Variants in NAALADL2 observed in about 807,000 individuals in gnomAD.
NAALADL2 encodes N-acetylated alpha-linked acidic dipeptidase like 2.
NAALADL2 carries 76 observed loss-of-function variants against 87.2 expected under a neutral mutation model. That is an observed-to-expected ratio of 0.87 (90% CI 0.72 to 1.05). NAALADL2 has a LOEUF of 1.05. Ranked by LOEUF, NAALADL2 falls within the 50% of genes least tolerant of loss-of-function variation. NAALADL2 has a pLI of 0.00. For missense variants in NAALADL2, 1,089 were observed against 945.8 expected (o/e 1.15, Z -1.99); for synonymous variants, 354 against 331.0 (o/e 1.07, Z -0.75).
At chr3:175,165,506 GACTTAC>G (rs531431567) in intron 2 of NAALADL2, among the ~76,000 whole-genome samples, 78 of 152,032 alleles carry the variant, frequency 5.1e-4, no homozygotes, top group South Asian at 2.9e-3. Flanking sequence ...TAAAATCATG[GACTTAC>G]ACTTACATTT....
chr3:175,747,213 T>C (rs1176708401), intron 12 of NAALADL2, among the ~76,000 whole-genome samples: 1 of 152,186 alleles, frequency 6.6e-6, no homozygotes, highest in African/African-American at 2.4e-5. Context: ...CATTGTTCCT[T>C]TTTTCCTTTT....
chr3:174,636,152 T>G (rs1722625392), intron 2 of NAALADL2, among the ~76,000 whole-genome samples: 2 of 152,276 alleles, frequency 1.3e-5, no homozygotes, highest in South Asian at 4.1e-4. Context: ...GTAATGAAAC[T>G]GGACCCCTAT....
intron 3 of NAALADL2, among the ~76,000 whole-genome samples, chr3:175,252,786 A>C (rs1749282725): frequency 6.6e-6 from 1 of 152,188 alleles, no homozygotes; most frequent in Non-Finnish European, 1.5e-5. Flanking sequence ...AAACAGCCCT[A>C]TTGCTGATAT....
At chr3:174,852,451 T>C (rs1203651386) in intron 3 of NAALADL2, among the ~76,000 whole-genome samples, 1 of 152,062 alleles carries the variant, frequency 6.6e-6, no homozygotes, top group African/African-American at 2.4e-5. Flanking sequence ...ACCAAAAAAG[T>C]AATCCCATTT....
At chr3:175,004,839 C>G (rs1459085144) in intron 1 of NAALADL2, among the ~76,000 whole-genome samples, 1 of 151,462 alleles carries the variant, frequency 6.6e-6, no homozygotes, top group Non-Finnish European at 1.5e-5. Context: ...TCCCATCTAT[C>G]TCTATTGTGT....
At chr3:175,392,726 A>G (rs914836092) in intron 5 of NAALADL2, among the ~76,000 whole-genome samples, 2 of 152,304 alleles carry the variant, frequency 1.3e-5, no homozygotes, top group South Asian at 2.1e-4. Context: ...ATGAAAACCA[A>G]TAACATGCTA....
chr3:175,376,147 T>C (rs1767093134), intron 5 of NAALADL2, among the ~76,000 whole-genome samples: 1 of 152,264 alleles, frequency 6.6e-6, no homozygotes, highest in African/African-American at 2.4e-5. Flanking sequence ...GCCAACTATC[T>C]TTTAAAGAAA....
chr3:175,187,159 C>G (rs1737467603), intron 2 of NAALADL2, among the ~76,000 whole-genome samples: 1 of 152,122 alleles, frequency 6.6e-6, no homozygotes, highest in East Asian at 1.9e-4. Flanking sequence ...TGTTCATTCA[C>G]TTATTCATTA....
intron 1 of NAALADL2, among the ~76,000 whole-genome samples, chr3:175,011,697 C>A (rs1468071697): frequency 1.3e-5 from 2 of 152,106 alleles, no homozygotes; most frequent in Non-Finnish European, 2.9e-5. Flanking sequence ...ACAAGAAGGT[C>A]CTAACTAATA....
chr3:175,475,022 A>AAC (rs371859548), intron 9 of NAALADL2, among the ~76,000 whole-genome samples: 1 of 144,438 alleles, frequency 6.9e-6, no homozygotes, highest in Non-Finnish European at 1.5e-5. Flanking sequence ...CAAACATTTA[A>AAC]GTACACACAC....
intron 2 of NAALADL2, among the ~76,000 whole-genome samples, chr3:174,579,628 G>C (rs1460479413): frequency 6.6e-6 from 1 of 151,968 alleles, no homozygotes; most frequent in African/African-American, 2.4e-5. Context: ...TGATACATTT[G>C]TTAATTATAC....
At chr3:175,673,202 C>T (rs952102232) in intron 11 of NAALADL2, among the ~76,000 whole-genome samples, 2 of 152,144 alleles carry the variant, frequency 1.3e-5, no homozygotes, top group Non-Finnish European at 2.9e-5. Context: ...TATATCCTCT[C>T]TTGTGAGAAT....
intron 2 of NAALADL2, among the ~76,000 whole-genome samples, chr3:175,201,754 G>A (rs1387279958): frequency 2.0e-5 from 3 of 148,990 alleles, no homozygotes; most frequent in African/African-American, 7.4e-5. Context: ...TCATTGCTTT[G>A]CCTAGCTAGC....
At chr3:175,768,305 C>A (rs1308613781) in intron 13 of NAALADL2, among the ~76,000 whole-genome samples, 1 of 152,104 alleles carries the variant, frequency 6.6e-6, no homozygotes, top group East Asian at 1.9e-4. Context: ...TTTTACCAGG[C>A]CTTTCTTGTT....
At chr3:175,593,863 A>G (rs1034741499) in intron 10 of NAALADL2, among the ~76,000 whole-genome samples, 18 of 152,170 alleles carry the variant, frequency 1.2e-4, no homozygotes, top group African/African-American at 4.3e-4. Context: ...TAGGGCTTCA[A>G]CATCTTTTGG....
intron 1 of NAALADL2, among the ~76,000 whole-genome samples, chr3:174,929,036 A>G (rs922954035): frequency 2.6e-5 from 4 of 152,192 alleles, no homozygotes; most frequent in Admixed American, 2.6e-4. Flanking sequence ...AAGCTGTTAT[A>G]TGGGAGATAT....
chr3:174,848,008 T>C (rs1417245491), intron 3 of NAALADL2, among the ~76,000 whole-genome samples: 1 of 112,400 alleles, frequency 8.9e-6, no homozygotes, highest in Non-Finnish European at 2.0e-5. Flanking sequence ...TTTCTCTCTC[T>C]TTTTTTTTTT....
chr3:174,858,631 C>T (rs1726116616), upstream of NAALADL2, among the ~76,000 whole-genome samples: 1 of 151,758 alleles, frequency 6.6e-6, no homozygotes, highest in Non-Finnish European at 1.5e-5. Context: ...ATCAATGCTG[C>T]AGTTCAGCAT....
intron 5 of NAALADL2, among the ~76,000 whole-genome samples, chr3:175,426,942 C>G (rs1054150286): frequency 1.3e-5 from 2 of 152,094 alleles, no homozygotes; most frequent in African/African-American, 4.8e-5. Context: ...AATGTGCTGA[C>G]TAAGCAACCT....
Sources: gnomAD v4.1 joint callset for allele counts (sites outside exome capture counted in the v4.1 genomes callset) on GRCh38, gnomAD v4.1.1 for gene constraint, MANE v1.5 for transcripts, NCBI Gene and HGNC (gene_info 2026-07-23, HGNC 2026-07-21) for gene names.